Variants in CA13 observed in about 807,000 individuals in gnomAD.
CA13 encodes carbonic anhydrase 13.
CA13 carries 21 observed loss-of-function variants against 31.5 expected under a neutral mutation model. The ratio of observed to expected loss-of-function variants is 0.67; its 90% CI spans 0.47 to 0.96. CA13 has a LOEUF of 0.96. Among genes scored for constraint, CA13 ranks in the 40% least tolerant of loss-of-function variants. CA13 has a pLI of 0.00. For synonymous variants in CA13, 117 were observed against 111.4 expected (o/e 1.05, Z -0.32); for missense variants, 315 against 318.9 (o/e 0.99, Z 0.09).
intron 2 of CA13, among the ~76,000 whole-genome samples, chr8:85,256,817 T>A (rs1249238437): frequency 6.6e-6 from 1 of 152,236 alleles, no homozygotes; most frequent in Non-Finnish European, 1.5e-5. Flanking sequence ...TCTTAATGAT[T>A]GTTGAATGAG....
At chr8:85,262,182 C>T (rs1807391901) in intron 3 of CA13, among the ~76,000 whole-genome samples, 1 of 5,352 alleles carries the variant, frequency 1.9e-4, no homozygotes, top group African/African-American at 1.1e-3. Context: ...ATTTCATTGG[C>T]TTATATATTC....
chr8:85,266,245 T>C (rs1807454909), intron 3 of CA13, among the ~76,000 whole-genome samples: 1 of 152,180 alleles, frequency 6.6e-6, no homozygotes, highest in Non-Finnish European at 1.5e-5. Flanking sequence ...GGCTGGAGTG[T>C]GGTGGCGCAG....
intron 6 of CA13, among the ~76,000 whole-genome samples, chr8:85,280,135 C>A (rs957886872): frequency 1.3e-5 from 2 of 152,114 alleles, no homozygotes; most frequent in African/African-American, 4.8e-5. Flanking sequence ...CAAAAATTAG[C>A]TGGGTGCGGT....
chr8:85,270,541 G>A (rs986492107), intron 6 of CA13, among the ~76,000 whole-genome samples: 1 of 152,066 alleles, frequency 6.6e-6, no homozygotes, highest in African/African-American at 2.4e-5. Flanking sequence ...TCCTTAATAA[G>A]GGAATTCATT....
At chr8:85,278,039 TCA>T (rs1807641188) in intron 6 of CA13, among the ~76,000 whole-genome samples, 1 of 151,036 alleles carries the variant, frequency 6.6e-6, no homozygotes, top group Non-Finnish European at 1.5e-5. Context: ...GGCGGGAGGA[TCA>T]CTTGAGGCCA....
chr8:85,259,600 C>A (rs185261820), intron 3 of CA13, 61 bp downstream of exon 3: 18 of 1,344,784 alleles, frequency 1.3e-5, no homozygotes, highest in Non-Finnish European at 1.9e-5. Context: ...TTAAGGGGTA[C>A]AGAGACAACT....
At chr8:85,280,381 G>A (rs572978161) in intron 6 of CA13, among the ~76,000 whole-genome samples, 23 of 152,268 alleles carry the variant, frequency 1.5e-4, no homozygotes, top group African/African-American at 5.3e-4. Flanking sequence ...GTTATAAACT[G>A]TTGCCTATTT....
At chr8:85,264,046 T>C (rs555723598) in intron 3 of CA13, among the ~76,000 whole-genome samples, 4 of 152,270 alleles carry the variant, frequency 2.6e-5, no homozygotes, top group South Asian at 4.1e-4. Context: ...CCTAATATGA[T>C]GGTTTATAAT....
chr8:85,256,911 C>T (rs117037525), intron 2 of CA13, among the ~76,000 whole-genome samples: 5,677 of 152,174 alleles, frequency 0.037, 215 homozygotes, highest in Non-Finnish European at 0.047. Flanking sequence ...AATACAAGGT[C>T]CTACTGAGTG....
chr8:85,259,317 T>C, intron 2 of CA13, 104 bp from the exon 3 acceptor site: 1 of 840,046 alleles, frequency 1.2e-6, no homozygotes, highest in Non-Finnish European at 2.0e-6. Context: ...AAAAATTCCT[T>C]GGAGGACATG....
chr8:85,252,146 A>G (rs529674387), intron 2 of CA13, among the ~76,000 whole-genome samples: 1 of 152,126 alleles, frequency 6.6e-6, no homozygotes, highest in African/African-American at 2.4e-5. Flanking sequence ...ACTCCCAGCT[A>G]CTCTGGAGGC....
chr8:85,265,174 G>A (rs1217960524), intron 3 of CA13, among the ~76,000 whole-genome samples: 21 of 152,206 alleles, frequency 1.4e-4, no homozygotes, highest in Admixed American at 1.0e-3. Flanking sequence ...GCTCACATAA[G>A]TATTTCCTTC....
chr8:85,266,257 C>T (rs1157839714), intron 3 of CA13, among the ~76,000 whole-genome samples: 1 of 152,184 alleles, frequency 6.6e-6, no homozygotes. Flanking sequence ...GTGGCGCAGT[C>T]TTAGCTCACT....
Position 85,260,965 on chromosome 8 carries a change from T to C in CA13, c.354+1426T>C, listed in dbSNP as rs139576584. Among the ~76,000 whole-genome samples, 24 of 152,332 alleles carry C rather than the reference T, an allele frequency of 1.6e-4. No homozygotes were observed. In the East Asian group the frequency reaches 4.4e-3, roughly 28 times the overall value. On this transcript the variant is annotated intron_variant, in intron 3 of 6. Transcript: ENST00000321764. ...GAAAGTACTACATACTCAGAGAGGC[T>C]TAGGTTTTCTGCCAGCTGGCAAGTA...
chr8:85,273,304 G>A (rs1807552437), intron 6 of CA13, among the ~76,000 whole-genome samples: 2 of 152,150 alleles, frequency 1.3e-5, no homozygotes, highest in South Asian at 2.1e-4. Flanking sequence ...CAATGATTTT[G>A]AACATTTTTT....
chr8:85,257,202 C>G (rs1261305443), intron 2 of CA13, among the ~76,000 whole-genome samples: 1 of 152,152 alleles, frequency 6.6e-6, no homozygotes, highest in Non-Finnish European at 1.5e-5. Flanking sequence ...GGTGAGGTCT[C>G]TTATTTTATC....
chr8:85,256,942 T>C (rs1308451017), intron 2 of CA13, among the ~76,000 whole-genome samples: 1 of 152,130 alleles, frequency 6.6e-6, no homozygotes, highest in East Asian at 1.9e-4. Flanking sequence ...TGTCCTTTGG[T>C]TTCTCTCTCT....
At chr8:85,275,541 G>C (rs1479982572) in intron 6 of CA13, among the ~76,000 whole-genome samples, 2 of 152,128 alleles carry the variant, frequency 1.3e-5, no homozygotes, top group African/African-American at 4.8e-5. Flanking sequence ...GAAGCGATAC[G>C]TCTGCTTGTA....
At chr8:85,260,998 G>A (rs1807368903) in intron 3 of CA13, among the ~76,000 whole-genome samples, 1 of 152,182 alleles carries the variant, frequency 6.6e-6, no homozygotes, top group Non-Finnish European at 1.5e-5. Context: ...GTAGTTTCCT[G>A]AAAAGGGTCC....
Sources: gnomAD v4.1 joint callset for allele counts (sites outside exome capture counted in the v4.1 genomes callset) on GRCh38, gnomAD v4.1.1 for gene constraint, MANE v1.5 for transcripts, NCBI Gene and HGNC (gene_info 2026-07-23, HGNC 2026-07-21) for gene names.